Variants in NELL2 observed in about 807,000 individuals in gnomAD.
The protein encoded by NELL2 is neural EGFL like 2.
NELL2 carries 41 observed loss-of-function variants against 109.6 expected under a neutral mutation model. That is an observed-to-expected ratio of 0.37 (90% CI 0.29 to 0.49). NELL2 has a LOEUF of 0.49. Ranked by LOEUF, NELL2 falls within the 20% of genes least tolerant of loss-of-function variation. The pLI is 0.98. For missense variants in NELL2, 900 were observed against 1,008.3 expected (o/e 0.89, Z 1.45); for synonymous variants, 355 against 344.7 (o/e 1.03, Z -0.33).
intron 9 of NELL2, among the ~76,000 whole-genome samples, chr12:44,757,553 T>C (rs1054621997): frequency 2.6e-5 from 4 of 152,116 alleles, no homozygotes; most frequent in Non-Finnish European, 4.4e-5. Flanking sequence ...CAATATACCA[T>C]ACATCTAACT....
At chr12:44,849,437 G>A (rs1272663299) in intron 2 of NELL2, among the ~76,000 whole-genome samples, 4 of 152,036 alleles carry the variant, frequency 2.6e-5, no homozygotes, top group Non-Finnish European at 5.9e-5. Flanking sequence ...AGATATCAGG[G>A]AAATACAAAT....
upstream of NELL2, chr12:44,876,964 G>A: frequency 1.8e-6 from 2 of 1,094,364 alleles, no homozygotes; most frequent in Non-Finnish European, 2.3e-6. Context: ...TCCCGGGCGC[G>A]GAGAGCGCAG....
chr12:44,897,633 G>A (rs1389646030), intron 1 of NELL2, among the ~76,000 whole-genome samples: 3 of 152,130 alleles, frequency 2.0e-5, no homozygotes, highest in Non-Finnish European at 4.4e-5. Context: ...GCAGACCAGG[G>A]GATTCCCTCG....
chr12:44,583,167 A>C (rs181829815), intron 15 of NELL2, among the ~76,000 whole-genome samples: 3 of 152,338 alleles, frequency 2.0e-5, no homozygotes, highest in African/African-American at 7.2e-5. Flanking sequence ...GAATGAGCCA[A>C]GGAAGGTACG....
At chr12:44,769,693 C>A (rs1054443890) in intron 9 of NELL2, among the ~76,000 whole-genome samples, 2 of 151,980 alleles carry the variant, frequency 1.3e-5, no homozygotes, top group Admixed American at 1.3e-4. Context: ...TTCACATAGC[C>A]CAAATCGGCA....
intron 15 of NELL2, among the ~76,000 whole-genome samples, chr12:44,574,688 T>C (rs1474083235): frequency 1.3e-5 from 2 of 152,278 alleles, no homozygotes; most frequent in African/African-American, 4.8e-5. Context: ...TAAATCAACA[T>C]GAAGCAAAAA....
chr12:44,827,007 A>C (rs900768360), intron 2 of NELL2, among the ~76,000 whole-genome samples: 4 of 152,388 alleles, frequency 2.6e-5, no homozygotes, highest in Non-Finnish European at 5.9e-5. Flanking sequence ...TCATCTAGAT[A>C]CTGCAACATA....
chr12:44,594,222 T>C (rs2407951), intron 15 of NELL2, among the ~76,000 whole-genome samples: 128,131 of 151,992 alleles, frequency 0.84, 54,441 homozygotes, highest in East Asian at 1. Flanking sequence ...CAAACCACCA[T>C]GGCATGTGCA....
At position 44,781,908 on chromosome 12, in the gene NELL2, C is replaced by T. The variant is rs1321022109; in HGVS notation, c.336-1886G>A. ...TTTAAAAGAACAGCAAAATAATGAC[C>T]TCTAAACAGAAAGAAAAATATAAAA... On this transcript the variant is annotated intron_variant, in intron 3 of 19. Coordinates refer to ENST00000429094, the MANE Select transcript of NELL2 (RefSeq NM_001145108.2). Among the ~76,000 whole-genome samples, 6 of 151,748 alleles carry T rather than the reference C, an allele frequency of 4.0e-5. No individual in the cohort carries two copies. In the East Asian group the frequency reaches 9.7e-4, roughly 24 times the overall value.
At chr12:44,770,513 TTAAC>T (rs1210244748) in intron 9 of NELL2, among the ~76,000 whole-genome samples, 6 of 152,184 alleles carry the variant, frequency 3.9e-5, no homozygotes, top group Non-Finnish European at 7.4e-5. Context: ...TAAGTCCACT[TTAAC>T]TAAACCAAGA....
intron 13 of NELL2, among the ~76,000 whole-genome samples, chr12:44,656,025 C>A (rs1420704914): frequency 6.6e-6 from 1 of 152,134 alleles, no homozygotes; most frequent in East Asian, 1.9e-4. Flanking sequence ...ATGATGGCAA[C>A]TAGTGGCCAG....
Position 44,703,691 on chromosome 12 carries a change from T to G in NELL2, c.1318+35A>C, listed in dbSNP as rs756961643. The G allele has an allele frequency of 1.9e-6, 3 of 1,609,804 alleles. No individual in the cohort carries two copies. The South Asian group carries it at 3.3e-5, about 18-fold the overall frequency. Reference sequence around the variant, plus strand: ...TTGCATGCAGTAATCCTAGAAAATTTATACAGCTGAGCTACACATCATTAC... The same window carrying G: ...TTGCATGCAGTAATCCTAGAAAATTGATACAGCTGAGCTACACATCATTAC... On this transcript the variant is annotated intron_variant, in intron 12 of 19. Coordinates refer to ENST00000429094, the MANE Select transcript of NELL2 (RefSeq NM_001145108.2).
intron 2 of NELL2, among the ~76,000 whole-genome samples, chr12:44,857,599 T>C (rs1365289467): frequency 6.6e-6 from 1 of 152,096 alleles, no homozygotes; most frequent in Non-Finnish European, 1.5e-5. Flanking sequence ...GGTAAAACAA[T>C]TGTGTCATTT....
chr12:44,516,222 T>C (rs948637876), intron 19 of NELL2, among the ~76,000 whole-genome samples: 3 of 152,062 alleles, frequency 2.0e-5, no homozygotes, highest in African/African-American at 7.2e-5. Flanking sequence ...CTATAACTTA[T>C]TTAACTGTTC....
At chr12:44,624,994 G>GTATATA (rs759847225) in intron 13 of NELL2, among the ~76,000 whole-genome samples, 3,986 of 118,386 alleles carry the variant, frequency 0.034, 203 homozygotes, top group East Asian at 0.089. Flanking sequence ...ATATATGTGT[G>GTATATA]TGTATATATA....
Position 44,585,506 on chromosome 12 carries a change from G to T in NELL2, c.1663+21663C>A, listed in dbSNP as rs560380840. ...AATCCCAGCTACTCAGGAGGCTGAG[G>T]CAGGAAAAAAAATAAAACAAGAGTT... On this transcript the variant is annotated intron_variant, in intron 15 of 19. Coordinates refer to ENST00000429094, the MANE Select transcript of NELL2 (RefSeq NM_001145108.2). Among the ~76,000 whole-genome samples the T allele has an allele frequency of 6.6e-5, 10 of 151,970 alleles. No homozygotes were observed. In the South Asian group the frequency reaches 2.1e-3, roughly 32 times the overall value.
intron 12 of NELL2, among the ~76,000 whole-genome samples, chr12:44,674,501 A>C (rs573840566): frequency 6.6e-6 from 1 of 152,336 alleles, no homozygotes; most frequent in East Asian, 1.9e-4. Context: ...AGGAGCAAAA[A>C]CATGAAATGT....
intron 13 of NELL2, among the ~76,000 whole-genome samples, chr12:44,639,870 G>A: frequency 6.6e-6 from 1 of 152,102 alleles, no homozygotes; most frequent in East Asian, 1.9e-4. Context: ...GACTCTGCAT[G>A]ATCGGACCCC....
intron 15 of NELL2, among the ~76,000 whole-genome samples, chr12:44,596,664 G>T (rs906090468): frequency 2.0e-5 from 3 of 151,986 alleles, no homozygotes; most frequent in Non-Finnish European, 4.4e-5. Flanking sequence ...TGAACTCCTG[G>T]CCTCAAGTGA....
Sources: allele counts gnomAD v4.1 joint callset (sites outside exome capture counted in the v4.1 genomes callset), GRCh38; gene constraint gnomAD v4.1.1; transcripts MANE v1.5; gene names NCBI Gene and HGNC (gene_info 2026-07-23, HGNC 2026-07-21).